MYSM1: variants seen among roughly 807,000 people sequenced by gnomAD.
The protein encoded by MYSM1 is Myb like, SWIRM and MPN domains 1, also known as deubiquitinase MYSM1.
Under a neutral mutation model 116.0 loss-of-function variants are expected in MYSM1, and 51 were observed. The observed-to-expected ratio is 0.44, with a 90% CI of 0.35 to 0.56. MYSM1 has a LOEUF of 0.56. Among genes scored for constraint, MYSM1 ranks in the 20% least tolerant of loss-of-function variants. The pLI, the probability that MYSM1 is intolerant of heterozygous loss-of-function variation, is 0.00. For synonymous variants in MYSM1, 313 were observed against 315.2 expected (o/e 0.99, Z 0.07); for missense variants, 900 against 974.9 (o/e 0.92, Z 1.02).
Position 58,692,450 on chromosome 1 carries a change from C to T in MYSM1, c.218+411G>A, listed in dbSNP as rs143921804. On this transcript the variant is annotated intron_variant, in intron 3 of 19. Coordinates refer to ENST00000472487, the MANE Select transcript of MYSM1 (RefSeq NM_001085487.3). ...GTGCTTTTTATTTAGATTCCTCCCA[C>T]GTAACACCTGTAAATTATGAAGTGA... The T allele has an allele frequency of 1.5e-3, 230 of 154,192 alleles. 2 individuals are homozygous for T. In the East Asian group the frequency reaches 0.038, roughly 25 times the overall value. 9.6% of individuals were successfully genotyped at this position (154,192 alleles called of 1,614,324 possible).
chr1:58,660,288 T>A (rs1644372131), intron 19 of MYSM1, 133 bp from the exon 20 acceptor site: 1 of 522,068 alleles, frequency 1.9e-6, no homozygotes, highest in Non-Finnish European at 3.1e-6. Context: ...TTAAAAATGG[T>A]TGAAGATTAA....
In MYSM1 at chr1:58,692,851, T is replaced by TATCA; in HGVS notation, c.218+9_218+10insTGAT. On this transcript the variant is annotated intron_variant, in intron 3 of 19. Coordinates refer to ENST00000472487, the MANE Select transcript of MYSM1 (RefSeq NM_001085487.3). Reference sequence around the variant, plus strand: ...AAACCTGTACTTTCCTCATAATCATTAAAGGATACTCTTCTTCCAACAACA... The same window carrying TATCA: ...AAACCTGTACTTTCCTCATAATCATTATCAAAAGGATACTCTTCTTCCAACAACA... 6.3e-7 allele frequency: 1 copy of TATCA among 1,597,372 alleles called. No individual in the cohort carries two copies.
intron 17 of MYSM1, among the ~76,000 whole-genome samples, 181 bp downstream of exon 17, chr1:58,665,318 G>A (rs995073715): frequency 3.3e-5 from 5 of 152,204 alleles, no homozygotes; most frequent in African/African-American, 1.2e-4. Flanking sequence ...CTTGAATATA[G>A]CAGGAGATTA....
intron 11 of MYSM1, among the ~76,000 whole-genome samples, chr1:58,672,629 C>A (rs1644580395): frequency 6.6e-6 from 1 of 152,038 alleles, no homozygotes; most frequent in Non-Finnish European, 1.5e-5. Flanking sequence ...ATGAACTATG[C>A]ACCTTTTCCA....
intron 12 of MYSM1, among the ~76,000 whole-genome samples, chr1:58,669,999 C>G (rs1476308656): frequency 2.6e-5 from 4 of 151,944 alleles, no homozygotes; most frequent in African/African-American, 4.8e-5. Context: ...GTTTTTTAGG[C>G]TATCTTCAGG....
chr1:58,682,653 T>G, intron 7 of MYSM1, 108 bp from the exon 8 acceptor site: 1 of 1,027,228 alleles, frequency 9.7e-7, no homozygotes, highest in East Asian at 2.7e-5. Flanking sequence ...TGAATACATG[T>G]AAATGGTACA....
chr1:58,674,039 GTTTT>G (rs1167818185), intron 10 of MYSM1, among the ~76,000 whole-genome samples: 1 of 151,808 alleles, frequency 6.6e-6, no homozygotes, highest in Non-Finnish European at 1.5e-5. Flanking sequence ...AAAATTTTGG[GTTTT>G]TTTTGAGACG....
At chr1:58,695,103 A>C in intron 2 of MYSM1, 26 bp downstream of exon 2, 1 of 1,441,862 alleles carries the variant, frequency 6.9e-7, no homozygotes, top group Non-Finnish European at 9.7e-7. Flanking sequence ...AGCTTAATGC[A>C]CCTGATATTT....
intron 12 of MYSM1, among the ~76,000 whole-genome samples, chr1:58,669,836 C>CAAAAAA (rs58828009): frequency 1.9e-3 from 27 of 14,590 alleles, no homozygotes; most frequent in African/African-American, 7.0e-3. Flanking sequence ...ACCCTGTCTC[C>CAAAAAA]AAAAAAAAAA....
Position 58,660,149 on chromosome 1 carries a change from C to G in MYSM1, c.2335G>C (p.Glu779Gln), listed in dbSNP as rs1326070481. ...SDLTCLQKLL[E>Q]CMRKTLSKVT... ...TTGCTCAGAGTCTTCCTCATACACT[C>G]CAAAAGCTAGTTGAAAAGAAAAGTT... The change falls in exon 20 of 20, where the codon GAG (glutamate) becomes CAG (glutamine). Residue 779 changes from glutamate (E) to glutamine (Q), a missense_variant. Glu to Gln is a conservative substitution (Grantham distance 29). Coordinates refer to ENST00000472487, the MANE Select transcript of MYSM1 (RefSeq NM_001085487.3). 1 of 1,554,176 alleles carries G rather than the reference C, an allele frequency of 6.4e-7. No homozygotes were observed.
rs1240551852 is a variant in MYSM1 at position 58,682,338 on chromosome 1, T to C, written c.706A>G (p.Thr236Ala). The C allele has an allele frequency of 3.1e-6, 5 of 1,613,984 alleles. No individual in the cohort carries two copies. Among genetic ancestry groups the C allele is most frequent in the Non-Finnish European group, 4.2e-6 (5 of 1,179,986 alleles). ...TCACTGCTAGAATTCTTCTGGGGTG[T>C]TTGAGAAGACAACTCGTCCACCTCA... ...TDEVDELSSQ[T>A]PQKNSSSDLL... The change falls in exon 8 of 20, where the codon ACA becomes GCA. Residue 236 changes from threonine to alanine, a missense_variant. Thr to Ala is a moderately conservative substitution (Grantham distance 58, BLOSUM62 0). Around this residue, in one of 3 missense-constraint regions of MYSM1, gnomAD observed 622 missense variants for 623.7 expected, o/e 1.00. Coordinates refer to ENST00000472487, the MANE Select transcript of MYSM1 (RefSeq NM_001085487.3).
intron 16 of MYSM1, 132 bp from the exon 17 acceptor site, chr1:58,665,763 G>T: frequency 1.5e-6 from 1 of 653,758 alleles, no homozygotes. Flanking sequence ...GTTCACATCT[G>T]GCCCGGCACA....
At chr1:58,670,042 A>T (rs1467825238) in intron 12 of MYSM1, among the ~76,000 whole-genome samples, 1 of 152,172 alleles carries the variant, frequency 6.6e-6, no homozygotes, top group Non-Finnish European at 1.5e-5. Flanking sequence ...CATTCGCATT[A>T]ACACAACTGG....
At position 58,665,549 on chromosome 1, in the gene MYSM1, T is replaced by A; in HGVS notation, c.2114A>T (p.Gln705Leu). Reference protein sequence around the residue: ...YNRNNPLPYSQITCLVISEEI... With the variant: ...YNRNNPLPYSLITCLVISEEI... ...CTCACTTATAACCAGGCAGGTAATC[T>A]GAGAATATGGTAAGGGATTATTTCG... is the stretch of plus-strand genomic sequence containing the variant. Residue 705 changes from glutamine (Q) to leucine (L), a missense_variant, in exon 17 of 20, where the codon CAG (glutamine) becomes CTG (leucine). Gln to Leu is a moderately radical substitution (Grantham distance 113). Coordinates refer to ENST00000472487, the MANE Select transcript of MYSM1 (RefSeq NM_001085487.3). The A allele has an allele frequency of 1.2e-6, 2 of 1,604,846 alleles. No individual in the cohort carries two copies. The highest frequency in any genetic ancestry group is 1.7e-6 in the Non-Finnish European group (2 of 1,172,094).
chr1:58,684,497 C>T (rs1196947398), intron 7 of MYSM1, among the ~76,000 whole-genome samples: 2 of 146,670 alleles, frequency 1.4e-5, no homozygotes, highest in South Asian at 2.1e-4. Context: ...CCTGGGAGGC[C>T]GAGCTTGCAG....
At chr1:58,669,917 A>G (rs143197405) in intron 12 of MYSM1, among the ~76,000 whole-genome samples, 238 of 152,162 alleles carry the variant, frequency 1.6e-3, no homozygotes, top group Non-Finnish European at 2.6e-3. Flanking sequence ...AGCAAGGTCA[A>G]AAGCACACAT....
intron 3 of MYSM1, 71 bp from the exon 4 acceptor site, chr1:58,690,488 C>T (rs891776576): frequency 9.8e-6 from 10 of 1,018,238 alleles, no homozygotes; most frequent in African/African-American, 4.9e-5. Flanking sequence ...TTATACAAAA[C>T]GTGTGCTACA....
At chr1:58,680,026 C>CA (rs6143231) in intron 8 of MYSM1, among the ~76,000 whole-genome samples, 1,437 of 126,472 alleles carry the variant, frequency 0.011, 27 homozygotes, top group African/African-American at 0.032. Context: ...GACTCTGTCT[C>CA]AAAAAAAAAA....
chr1:58,659,945 T>C lies in MYSM1; in HGVS notation c.*52A>G. 2.5e-6 allele frequency: 3 copies of C among 1,204,972 alleles called. 1 individual carries two copies. The South Asian group carries it at 6.9e-5, about 28-fold the overall frequency. The allele number at this position is 1,204,972 out of a possible 1,614,324, so 74.6% of individuals were successfully genotyped here. On this transcript the variant is annotated 3_prime_UTR_variant, in exon 20 of 20. Transcript: ENST00000472487. Reference sequence around the variant, plus strand: ...CTACAATCACTTCAAGTTTATAACTTTGAAAGTAAGATCTACTGTGTCAAG... The same window carrying C: ...CTACAATCACTTCAAGTTTATAACTCTGAAAGTAAGATCTACTGTGTCAAG...
Sources: gnomAD v4.1 joint callset for allele counts (sites outside exome capture counted in the v4.1 genomes callset) on GRCh38, gnomAD v4.1.1 for gene constraint, gnomAD v4.1.1 regional missense constraint, MANE v1.5 for transcripts, NCBI Gene and HGNC (gene_info 2026-07-23, HGNC 2026-07-21) for gene names.